Variants in DOK6 observed in about 807,000 individuals in gnomAD.
DOK6 encodes the protein downstream of tyrosine kinase 6.
In DOK6, 22 loss-of-function variants were observed where a neutral mutation model predicts 44.0. The ratio of observed to expected loss-of-function variants is 0.50; its 90% CI spans 0.36 to 0.71. The LOEUF is 0.71. DOK6 is among the 30% of genes least tolerant of loss of function. The probability of loss-of-function intolerance (pLI) is 0.00; values close to 1 mark genes in which losing one functional copy is unlikely to be tolerated. For missense variants in DOK6, 340 were observed against 416.4 expected (o/e 0.82, Z 1.60); for synonymous variants, 166 against 145.5 (o/e 1.14, Z -1.01).
At chr18:69,783,582 G>C (rs1311583452) in intron 7 of DOK6, among the ~76,000 whole-genome samples, 1 of 152,118 alleles carries the variant, frequency 6.6e-6, no homozygotes, top group Non-Finnish European at 1.5e-5. Context: ...TCAACCAATT[G>C]TGAGTTCCAC....
intron 5 of DOK6, among the ~76,000 whole-genome samples, chr18:69,737,716 A>G (rs764746070): frequency 3.9e-5 from 6 of 152,228 alleles, no homozygotes; most frequent in Non-Finnish European, 8.8e-5. Context: ...CTTCAGAGAC[A>G]AAAATCCCTC....
At chr18:69,417,769 A>G (rs1978379438) in intron 1 of DOK6, among the ~76,000 whole-genome samples, 1 of 152,100 alleles carries the variant, frequency 6.6e-6, no homozygotes, top group East Asian at 1.9e-4. Flanking sequence ...GGGTGAGATA[A>G]TATCTCATTG....
intron 1 of DOK6, among the ~76,000 whole-genome samples, chr18:69,519,805 G>A (rs771341821): frequency 5.3e-5 from 8 of 151,952 alleles, no homozygotes; most frequent in South Asian, 2.1e-4. Context: ...GCATGAGAAC[G>A]TGACTATAAT....
At position 69,570,480 on chromosome 18, in the gene DOK6, T is replaced by A. The variant is rs193187741; in HGVS notation, c.174+5886T>A. Among the ~76,000 whole-genome samples, 14 of 152,220 alleles carry A rather than the reference T, an allele frequency of 9.2e-5. No individual in the cohort carries two copies. The East Asian group carries it at 2.7e-3, about 29-fold the overall frequency. On this transcript the variant is annotated intron_variant, in intron 2 of 7. Transcript: ENST00000382713. Reference sequence around the variant, plus strand: ...TTAAGGGACAATTTCCTAGTTAGTATTCCCATTGCAAAGAAAGAAGAGAAT... The same window carrying A: ...TTAAGGGACAATTTCCTAGTTAGTAATCCCATTGCAAAGAAAGAAGAGAAT...
chr18:69,559,131 T>C (rs1462298447), intron 1 of DOK6, among the ~76,000 whole-genome samples: 3 of 152,188 alleles, frequency 2.0e-5, no homozygotes, highest in Admixed American at 6.5e-5. Flanking sequence ...AATCTATTTT[T>C]TCCTTATTAT....
At chr18:69,769,853 C>G (rs1274988686) in intron 7 of DOK6, among the ~76,000 whole-genome samples, 1 of 152,080 alleles carries the variant, frequency 6.6e-6, no homozygotes, top group African/African-American at 2.4e-5. Flanking sequence ...AATTTAACAG[C>G]CATTCAATGT....
chr18:69,551,444 A>G (rs1259695668), intron 1 of DOK6, among the ~76,000 whole-genome samples: 1 of 152,206 alleles, frequency 6.6e-6, no homozygotes, highest in Non-Finnish European at 1.5e-5. Context: ...TTTATTCAAT[A>G]AATATCTTGA....
Position 69,564,843 on chromosome 18 carries a change from C to T in DOK6, c.174+249C>T, listed in dbSNP as rs370616570. On this transcript the variant is annotated intron_variant, in intron 2 of 7. Transcript: ENST00000382713. ...AAAATGAGATGACTCATAACTCAAC[C>T]AAATCCTTTCCTAAGGTGCTGAGTA... Among the ~76,000 whole-genome samples the T allele has an allele frequency of 9.2e-5, 14 of 152,188 alleles. No homozygotes were observed. The East Asian group carries it at 2.5e-3, about 27-fold the overall frequency.
intron 4 of DOK6, among the ~76,000 whole-genome samples, chr18:69,686,126 A>C (rs921610830): frequency 6.6e-6 from 1 of 152,010 alleles, no homozygotes; most frequent in Non-Finnish European, 1.5e-5. Flanking sequence ...AAACCATATA[A>C]AGATATAGGA....
chr18:69,805,076 G>A (rs114559887), intron 7 of DOK6, among the ~76,000 whole-genome samples: 1,907 of 152,218 alleles, frequency 0.013, 34 homozygotes, highest in African/African-American at 0.043. Flanking sequence ...TGGCTAAAAC[G>A]GAGGCTTACA....
chr18:69,461,964 G>A (rs556332691), intron 1 of DOK6, among the ~76,000 whole-genome samples: 1 of 152,238 alleles, frequency 6.6e-6, no homozygotes, highest in Non-Finnish European at 1.5e-5. Flanking sequence ...CTTTCTAGGT[G>A]CTTATGCCTG....
At chr18:69,628,984 A>G (rs1261381628) in intron 3 of DOK6, among the ~76,000 whole-genome samples, 1 of 152,260 alleles carries the variant, frequency 6.6e-6, no homozygotes, top group Non-Finnish European at 1.5e-5. Flanking sequence ...AGCTTATCCA[A>G]GTTACAGAGA....
At chr18:69,755,851 G>C (rs1443996046) in intron 6 of DOK6, among the ~76,000 whole-genome samples, 2 of 152,172 alleles carry the variant, frequency 1.3e-5, no homozygotes, top group African/African-American at 4.8e-5. Context: ...ACATTGAAGG[G>C]TGAGGAAAGC....
At chr18:69,695,681 G>C (rs1363368192) in intron 4 of DOK6, among the ~76,000 whole-genome samples, 1 of 152,138 alleles carries the variant, frequency 6.6e-6, no homozygotes, top group Non-Finnish European at 1.5e-5. Context: ...TCATCTTTTT[G>C]TGCCTAGTTT....
At chr18:69,521,567 C>T (rs1463739322) in intron 1 of DOK6, among the ~76,000 whole-genome samples, 1 of 151,608 alleles carries the variant, frequency 6.6e-6, no homozygotes, top group Non-Finnish European at 1.5e-5. Context: ...TGAGTAAAAA[C>T]ACCAATGTTT....
intron 2 of DOK6, among the ~76,000 whole-genome samples, chr18:69,587,841 A>C (rs932243940): frequency 1.3e-5 from 2 of 152,088 alleles, no homozygotes; most frequent in African/African-American, 4.8e-5. Context: ...ATATTTCTAT[A>C]TACTGATTTT....
chr18:69,599,328 C>A, intron 2 of DOK6, 56 bp from the exon 3 acceptor site: 2 of 1,243,430 alleles, frequency 1.6e-6, no homozygotes, highest in Non-Finnish European at 2.3e-6. Context: ...TGTTTCAGCA[C>A]TCCAACATAC....
intron 5 of DOK6, among the ~76,000 whole-genome samples, chr18:69,727,854 C>T (rs1476824268): frequency 6.6e-6 from 1 of 152,178 alleles, no homozygotes; most frequent in Non-Finnish European, 1.5e-5. Context: ...CATTTCAAAT[C>T]ACCCCTTTCA....
chr18:69,755,719 C>T (rs140615997), intron 6 of DOK6, among the ~76,000 whole-genome samples: 72 of 152,316 alleles, frequency 4.7e-4, no homozygotes, highest in African/African-American at 1.7e-3. Flanking sequence ...CTGCAGAGTC[C>T]CCCACTGTTA....
Sources: allele counts gnomAD v4.1 joint callset (sites outside exome capture counted in the v4.1 genomes callset), GRCh38; gene constraint gnomAD v4.1.1; transcripts MANE v1.5; gene names NCBI Gene and HGNC (gene_info 2026-07-23, HGNC 2026-07-21).